SLC14A2: variants seen among roughly 807,000 people sequenced by gnomAD.
SLC14A2 encodes solute carrier family 14 member 2, also known as urea transporter 2.
Under a neutral mutation model 104.6 loss-of-function variants are expected in SLC14A2, and 91 were observed. The observed-to-expected ratio is 0.87, with a 90% CI of 0.73 to 1.04. SLC14A2 has a LOEUF of 1.04. Ranked by LOEUF, SLC14A2 falls within the 50% of genes least tolerant of loss-of-function variation. The probability of loss-of-function intolerance (pLI) is 0.00; values close to 1 mark genes in which losing one functional copy is unlikely to be tolerated. For missense variants in SLC14A2, 1,189 were observed against 1,156.0 expected (o/e 1.03, Z -0.41); for synonymous variants, 476 against 466.4 (o/e 1.02, Z -0.27).
At chr18:45,592,394 A>G (rs1338687228) in intron 2 of SLC14A2, among the ~76,000 whole-genome samples, 1 of 152,218 alleles carries the variant, frequency 6.6e-6, no homozygotes, top group Admixed American at 6.5e-5. Context: ...TCAGGATATC[A>G]GATGGAACTG....
chr18:45,197,178 G>A, the SLC14A2 span, among the ~76,000 whole-genome samples: 2 of 152,166 alleles, frequency 1.3e-5, no homozygotes, highest in Admixed American at 1.3e-4. Flanking sequence ...CTTAAGCTGG[G>A]AGTTAGTCTA....
chr18:45,476,696 T>C (rs2087387576), intron 1 of SLC14A2, among the ~76,000 whole-genome samples: 1 of 152,206 alleles, frequency 6.6e-6, no homozygotes, highest in South Asian at 2.1e-4. Flanking sequence ...TTCCTTTTTC[T>C]CTAATCTTGT....
intron 1 of SLC14A2, among the ~76,000 whole-genome samples, chr18:45,375,304 C>A (rs189508832): frequency 9.8e-5 from 15 of 152,310 alleles, no homozygotes; most frequent in East Asian, 3.9e-4. Context: ...AAGATTCTGA[C>A]CCTCCCTAAA....
At chr18:45,605,486 A>G (rs1270696159) in intron 2 of SLC14A2, among the ~76,000 whole-genome samples, 1 of 152,080 alleles carries the variant, frequency 6.6e-6, no homozygotes, top group Admixed American at 6.5e-5. Flanking sequence ...AAGAGTCTTA[A>G]ATGAGAGGTG....
At chr18:45,215,343 G>A (rs2143976773) in intron 1 of SLC14A2, among the ~76,000 whole-genome samples, 1 of 152,206 alleles carries the variant, frequency 6.6e-6, no homozygotes, top group Admixed American at 6.5e-5. Flanking sequence ...TTAGATTTCT[G>A]TGGCCTAGTC....
At chr18:45,548,954 C>T (rs1232041485) in intron 2 of SLC14A2, among the ~76,000 whole-genome samples, 1 of 152,146 alleles carries the variant, frequency 6.6e-6, no homozygotes, top group African/African-American at 2.4e-5. Context: ...TTGTAAAGAT[C>T]CTGTGCACCT....
intron 1 of SLC14A2, among the ~76,000 whole-genome samples, chr18:45,244,501 C>T (rs2084349618): frequency 6.6e-6 from 1 of 152,112 alleles, no homozygotes; most frequent in South Asian, 2.1e-4. Flanking sequence ...GTGGCACACC[C>T]TGTAATCCCA....
At chr18:45,609,662 C>A (rs780261476) in intron 2 of SLC14A2, among the ~76,000 whole-genome samples, 7 of 152,226 alleles carry the variant, frequency 4.6e-5, no homozygotes, top group African/African-American at 1.7e-4. Context: ...ACCGATCTGT[C>A]TCTCCTCTCT....
intron 1 of SLC14A2, among the ~76,000 whole-genome samples, chr18:45,225,785 CTG>C (rs1481414413): frequency 1.3e-5 from 2 of 152,098 alleles, no homozygotes; most frequent in Non-Finnish European, 2.9e-5. Flanking sequence ...ATTTGGCTCT[CTG>C]TTTGTCTGTT....
the SLC14A2 span, among the ~76,000 whole-genome samples, chr18:45,181,689 C>A: frequency 2.0e-5 from 3 of 151,968 alleles, no homozygotes; most frequent in Non-Finnish European, 4.4e-5. Flanking sequence ...ATAAAGGGTC[C>A]ATTGTAATTG....
At chr18:45,672,831 C>A in intron 16 of SLC14A2, 69 bp from the exon 17 acceptor site, 2 of 1,468,368 alleles carry the variant, frequency 1.4e-6, no homozygotes, top group South Asian at 1.3e-5. Flanking sequence ...AGTGCCAAGT[C>A]TCTTGCAGCC....
At chr18:45,644,555 C>T (rs1319447942) in intron 10 of SLC14A2, 1 of 161,612 alleles carries the variant, frequency 6.2e-6, no homozygotes. Flanking sequence ...TAGGCAGACA[C>T]AGAGTAGGGG....
intron 1 of SLC14A2, among the ~76,000 whole-genome samples, chr18:45,270,945 T>G (rs922630936): frequency 6.6e-6 from 1 of 152,192 alleles, no homozygotes; most frequent in African/African-American, 2.4e-5. Flanking sequence ...AAAGCCTTGT[T>G]GATTTTAAGC....
chr18:45,394,625 T>C (rs188493204), intron 1 of SLC14A2, among the ~76,000 whole-genome samples: 2 of 152,334 alleles, frequency 1.3e-5, no homozygotes, highest in Non-Finnish European at 2.9e-5. Flanking sequence ...TATTTTCATA[T>C]ACATGTTGGC....
chr18:45,491,312 C>G (rs2144728551), intron 2 of SLC14A2, among the ~76,000 whole-genome samples: 1 of 152,256 alleles, frequency 6.6e-6, no homozygotes, highest in East Asian at 1.9e-4. Flanking sequence ...AATCCAAGGT[C>G]TGTGTAAAAA....
At chr18:45,441,992 A>T (rs762528615) in intron 1 of SLC14A2, among the ~76,000 whole-genome samples, 4 of 152,198 alleles carry the variant, frequency 2.6e-5, no homozygotes, top group Non-Finnish European at 5.9e-5. Flanking sequence ...GTGACCTGGG[A>T]GAACTGGCTG....
At chr18:45,553,007 T>C (rs2705361) in intron 2 of SLC14A2, among the ~76,000 whole-genome samples, 37,719 of 152,030 alleles carry the variant, frequency 0.25, 7,436 homozygotes, top group African/African-American at 0.55. Context: ...GAGAATGTGC[T>C]CAGGCTAAGG....
chr18:45,615,868 A>G (rs1359660850), intron 1 of SLC14A2, among the ~76,000 whole-genome samples: 2 of 151,918 alleles, frequency 1.3e-5, no homozygotes, highest in Non-Finnish European at 2.9e-5. Flanking sequence ...AGGGAGAGAG[A>G]GAGACTACTA....
At chr18:45,176,577 T>C in the SLC14A2 span, among the ~76,000 whole-genome samples, 1 of 152,138 alleles carries the variant, frequency 6.6e-6, no homozygotes, top group South Asian at 2.1e-4. Flanking sequence ...TTTACAATCC[T>C]CGCTAGAAAA....
Sources: allele counts gnomAD v4.1 joint callset (sites outside exome capture counted in the v4.1 genomes callset), GRCh38; gene constraint gnomAD v4.1.1; transcripts MANE v1.5; gene names NCBI Gene and HGNC (gene_info 2026-07-23, HGNC 2026-07-21).